PCDH11X: variants seen among roughly 807,000 people sequenced by gnomAD.
The protein encoded by PCDH11X is protocadherin 11 X-linked.
In PCDH11X, 18 loss-of-function variants were observed where a neutral mutation model predicts 53.3. The ratio of observed to expected loss-of-function variants is 0.34; its 90% CI spans 0.23 to 0.50. PCDH11X has a LOEUF of 0.50. PCDH11X is among the 20% of genes least tolerant of loss of function. PCDH11X has a pLI of 0.98. For missense variants in PCDH11X, 570 were observed against 1,032.4 expected, an observed-to-expected ratio of 0.55 and a Z score of 6.14; for synonymous variants, 279 against 393.3, an observed-to-expected ratio of 0.71 and a Z score of 3.44.
At chrX:92,506,471 C>T (rs1165070853) in intron 10 of PCDH11X, among the ~76,000 whole-genome samples, 78 of 101,292 alleles carry the variant, frequency 7.7e-4, no homozygotes, top group Non-Finnish European at 1.3e-3. Flanking sequence ...ATATCAAGAG[C>T]CTTTTCTGCA....
chrX:92,216,954 G>C (rs2066731447), intron 7 of PCDH11X, among the ~76,000 whole-genome samples: 1 of 109,328 alleles, frequency 9.1e-6, no homozygotes, highest in Non-Finnish European at 1.9e-5. Context: ...GGCAAACTAA[G>C]CTTCATAAGT....
intron 9 of PCDH11X, among the ~76,000 whole-genome samples, chrX:92,390,368 T>G (rs1471802954): frequency 1.7e-5 from 1 of 58,964 alleles, no homozygotes; most frequent in Admixed American, 2.4e-4. Flanking sequence ...TTTAACATAG[T>G]ACGTGTGTGT....
chrX:92,312,862 C>T (rs979129215), intron 8 of PCDH11X, among the ~76,000 whole-genome samples: 12 of 111,128 alleles, frequency 1.1e-4, no homozygotes, highest in Non-Finnish European at 1.9e-4. Context: ...CCAGGATACA[C>T]GGAAGGCCTA....
intron 6 of PCDH11X, among the ~76,000 whole-genome samples, chrX:91,893,362 T>C (rs1236394201): frequency 9.4e-6 from 1 of 106,788 alleles, no homozygotes; most frequent in Non-Finnish European, 1.9e-5. Context: ...TTTTTTTTTT[T>C]TTTGAGATGG....
In PCDH11X at chrX:92,387,924, C is replaced by G; in HGVS notation, c.3334C>G (p.Pro1112Ala). ...CACTGAAGGGGATGGCAACTCCGAT[C>G]CTGAATCTAGTAAGTGATACCTCTC... ...NRTEGDGNSD[P>A]ESTFIPGLKK... is the part of the protein sequence containing the mutation. Residue 1112 changes from proline (P) to alanine (A), a missense_variant, in exon 9 of 11, where the codon CCT becomes GCT. By Grantham distance (27) the Pro-to-Ala change is conservative (BLOSUM62 -1). Transcript: ENST00000682573. The G allele has an allele frequency of 1.7e-6, 2 of 1,209,825 alleles. No individual in the cohort carries two copies. The highest frequency in any genetic ancestry group is 2.2e-6 in the Non-Finnish European group (2 of 894,527).
At chrX:92,020,691 A>T (rs760511654) in intron 6 of PCDH11X, among the ~76,000 whole-genome samples, 1 of 111,022 alleles carries the variant, frequency 9.0e-6, no homozygotes, top group African/African-American at 3.3e-5. Flanking sequence ...ACCAAGAAAC[A>T]GTCAAAGTGC....
At chrX:92,396,893 T>C (rs1432349258) in intron 9 of PCDH11X, among the ~76,000 whole-genome samples, 2 of 56,208 alleles carry the variant, frequency 3.6e-5, no homozygotes, top group Non-Finnish European at 6.0e-5. Flanking sequence ...TTATCTCTAG[T>C]TCTAGTTCTA....
chrX:91,884,207 A>G lies in PCDH11X; in HGVS notation c.3033+4934A>G, dbSNP rs963738802. Among the ~76,000 whole-genome samples the G allele has an allele frequency of 2.3e-4, 25 of 109,210 alleles. No individual in the cohort carries two copies. In the East Asian group the frequency reaches 2.6e-3, roughly 11 times the overall value. 94.8% of individuals were successfully genotyped at this position (109,210 alleles called of 115,157 possible). A position where few individuals can be genotyped will look rare whatever the true frequency, so the allele number is the denominator to read the frequency against. On this transcript the variant is annotated intron_variant, in intron 6 of 10. Transcript: ENST00000682573. ...CTCCGTCTCAAAAAAAAAAAAAAAA[A>G]AAAAAGAAAAAAAGTTATTTTTGTT...
chrX:92,446,103 C>T lies in PCDH11X; in HGVS notation c.3344-22196C>T, dbSNP rs141147057. On this transcript the variant is annotated intron_variant, in intron 9 of 10. Transcript: ENST00000682573. ...AAATTCTTATTATTACTTAATAACA[C>T]CTACATTTTAATCTTAGAAATTCTT... is the stretch of plus-strand genomic sequence containing the variant. Among the ~76,000 whole-genome samples the T allele has an allele frequency of 4.5e-3, 484 of 107,600 alleles. 1 individual carries two copies. The highest frequency in any genetic ancestry group is 0.014 in the African/African-American group (419 of 29,522). The allele number at this position is 107,600 out of a possible 115,157, so 93.4% of individuals were successfully genotyped here. A position where few individuals can be genotyped will look rare whatever the true frequency, so the allele number is the denominator to read the frequency against.
In PCDH11X at chrX:92,428,177, T is replaced by A. The variant is rs1286293340; in HGVS notation, c.3344-40122T>A. 3.7e-5 allele frequency among the ~76,000 whole-genome samples: 4 copies of A among 109,319 alleles called. No homozygotes were observed. In the Admixed American group the frequency reaches 4.0e-4, roughly 11 times the overall value. The allele number at this position is 109,319 out of a possible 115,157, so 94.9% of individuals were successfully genotyped here. On this transcript the variant is annotated intron_variant, in intron 9 of 10. Coordinates refer to ENST00000682573, the MANE Select transcript of PCDH11X (RefSeq NM_032968.5). ...TGTGTGCATCAAAATGAAATGACAA[T>A]GAATTTTCTCTCGAAATTGATAGCA...
intron 6 of PCDH11X, among the ~76,000 whole-genome samples, chrX:92,102,614 T>C (rs1019440017): frequency 1.2e-4 from 13 of 111,922 alleles, no homozygotes; most frequent in South Asian, 3.7e-4. Flanking sequence ...TGAAGCCTTG[T>C]GGCAGTACAG....
chrX:92,189,032 T>C (rs2066146466), intron 6 of PCDH11X, among the ~76,000 whole-genome samples: 1 of 111,415 alleles, frequency 9.0e-6, no homozygotes, highest in Non-Finnish European at 1.9e-5. Context: ...GGGCAGTCTA[T>C]ATATTAATAT....
At chrX:91,949,974 C>T (rs183165683) in intron 6 of PCDH11X, among the ~76,000 whole-genome samples, 6 of 108,652 alleles carry the variant, frequency 5.5e-5, no homozygotes, top group Non-Finnish European at 1.2e-4. Context: ...ATAATAAGAG[C>T]GGCCTGACAG....
At chrX:91,855,706 A>AT (rs897981401) in intron 5 of PCDH11X, among the ~76,000 whole-genome samples, 5 of 109,796 alleles carry the variant, frequency 4.6e-5, no homozygotes, top group African/African-American at 6.7e-5. Flanking sequence ...CGTGATTGAG[A>AT]TTTTTTACTT....
intron 8 of PCDH11X, among the ~76,000 whole-genome samples, chrX:92,271,487 C>G (rs1018129169): frequency 2.7e-5 from 3 of 111,751 alleles, no homozygotes; most frequent in Admixed American, 9.5e-5. Flanking sequence ...TCAAAGGTCC[C>G]GTTACAGATT....
intron 6 of PCDH11X, among the ~76,000 whole-genome samples, chrX:92,047,729 T>C (rs1416405427): frequency 1.8e-5 from 2 of 108,249 alleles, no homozygotes; most frequent in Non-Finnish European, 3.8e-5. Flanking sequence ...TTGAAATCCA[T>C]TGTGGAAGGA....
At position 92,065,697 on chromosome X, in the gene PCDH11X, T is replaced by C. The variant is rs920591063; in HGVS notation, c.3034-135678T>C. Among the ~76,000 whole-genome samples the C allele has an allele frequency of 2.7e-5, 3 of 110,038 alleles. No homozygotes were observed. The Admixed American group carries it at 2.9e-4, about 11-fold the overall frequency. On this transcript the variant is annotated intron_variant, in intron 6 of 10. Transcript: ENST00000682573. ...ATTCAAATCTTTTGCCCATTTTTAATTGGATTGTTAGATTTTTTTTCCTCT... is the reference window on the plus strand; with the variant it reads ...ATTCAAATCTTTTGCCCATTTTTAACTGGATTGTTAGATTTTTTTTCCTCT...
At chrX:92,222,515 G>C (rs2066900790) in intron 7 of PCDH11X, among the ~76,000 whole-genome samples, 1 of 111,303 alleles carries the variant, frequency 9.0e-6, no homozygotes, top group African/African-American at 3.3e-5. Context: ...TACAGTTGTT[G>C]GCTCTTTTCT....
intron 6 of PCDH11X, among the ~76,000 whole-genome samples, chrX:92,031,437 C>G (rs2063048629): frequency 9.4e-6 from 1 of 106,667 alleles, no homozygotes; most frequent in Admixed American, 1.0e-4. Context: ...TGTGATGTCT[C>G]TTCACTTGGC....
Sources: gnomAD v4.1 joint callset for allele counts (sites outside exome capture counted in the v4.1 genomes callset) on GRCh38, gnomAD v4.1.1 for gene constraint, MANE v1.5 for transcripts, NCBI Gene and HGNC (gene_info 2026-07-23, HGNC 2026-07-21) for gene names.